The following RAB31 variants were observed in gnomAD, a reference collection of about 807,000 sequenced individuals.
RAB31 encodes ras-related protein Rab-31.
RAB31 carries 21 observed loss-of-function variants against 25.6 expected under a neutral mutation model. That is an observed-to-expected ratio of 0.82 (90% CI 0.58 to 1.18). The LOEUF is 1.18. Ranked by LOEUF, RAB31 falls within the 50% of genes most tolerant of loss-of-function variation. RAB31 has a pLI of 0.00. For synonymous variants in RAB31, 87 were observed against 84.0 expected, an observed-to-expected ratio of 1.04 and a Z score of -0.20; for missense variants, 196 against 250.1, an observed-to-expected ratio of 0.78 and a Z score of 1.46.
chr18:9,840,072 G>A (rs1271238950), intron 5 of RAB31, among the ~76,000 whole-genome samples: 1 of 152,180 alleles, frequency 6.6e-6, no homozygotes, highest in Non-Finnish European at 1.5e-5. Flanking sequence ...CAGACAGTCA[G>A]AGAAGAAACC....
chr18:9,804,035 G>A (rs2068527266), intron 3 of RAB31, among the ~76,000 whole-genome samples: 1 of 151,880 alleles, frequency 6.6e-6, no homozygotes, highest in Non-Finnish European at 1.5e-5. Flanking sequence ...CTGAGCCCGG[G>A]AGGTGGCCAT....
intron 1 of RAB31, chr18:9,757,869 CT>C (rs1445015533): frequency 2.0e-5 from 3 of 152,248 alleles, no homozygotes; most frequent in Non-Finnish European, 2.9e-5. Flanking sequence ...ATGTCGGCTT[CT>C]GATTAACTCC....
In RAB31 at chr18:9,735,147, A is replaced by G. The variant is rs917172414; in HGVS notation, c.39+26703A>G. On this transcript the variant is annotated intron_variant, in intron 1 of 6. Transcript: ENST00000578921. ...ATTCTCCTGTCTCAGCCTCTCAAGT[A>G]GCTGGGATTATAGGCGCCTGCCACC... Among the ~76,000 whole-genome samples, 4 of 151,884 alleles carry G rather than the reference A, an allele frequency of 2.6e-5. No homozygotes were observed. The East Asian group carries it at 7.7e-4, about 29-fold the overall frequency.
intron 5 of RAB31, chr18:9,844,832 AGTTTTGTTTT>A (rs10526414): frequency 0.17 from 25,911 of 149,120 alleles, 2,374 homozygotes; most frequent in Middle Eastern, 0.28. Context: ...CGTTCAGGTG[AGTTTTGTTTT>A]GTTTTGTTTT....
chr18:9,778,462 C>T (rs1226609611), intron 2 of RAB31, among the ~76,000 whole-genome samples: 1 of 152,038 alleles, frequency 6.6e-6, no homozygotes, highest in African/African-American at 2.4e-5. Flanking sequence ...CCACCTATAA[C>T]TTTTTGTTTT....
intron 2 of RAB31, among the ~76,000 whole-genome samples, chr18:9,776,165 T>G (rs932722424): frequency 1.4e-4 from 21 of 152,212 alleles, no homozygotes; most frequent in Non-Finnish European, 2.5e-4. Flanking sequence ...TGTTAAATTC[T>G]CCTGAGCTTG....
At chr18:9,786,385 A>G (rs993106607) in intron 2 of RAB31, among the ~76,000 whole-genome samples, 1 of 152,228 alleles carries the variant, frequency 6.6e-6, no homozygotes, top group African/African-American at 2.4e-5. Context: ...CACTATAAGT[A>G]AGTGTTTCCT....
At chr18:9,794,828 A>C (rs2068478796) in intron 3 of RAB31, among the ~76,000 whole-genome samples, 1 of 151,936 alleles carries the variant, frequency 6.6e-6, no homozygotes, top group South Asian at 2.1e-4. Flanking sequence ...AAAACAAAAA[A>C]CAAAAAAACA....
chr18:9,731,753 G>A (rs1349414110), intron 1 of RAB31, among the ~76,000 whole-genome samples: 4 of 151,898 alleles, frequency 2.6e-5, no homozygotes, highest in Admixed American at 6.6e-5. Context: ...GTGGCACCAC[G>A]CCCAGCTGAT....
At chr18:9,774,829 C>G (rs765619316) in intron 1 of RAB31, 4 of 515,872 alleles carry the variant, frequency 7.8e-6, no homozygotes, top group South Asian at 5.7e-5. Flanking sequence ...AACATAGAAA[C>G]TAGAATTAAT....
chr18:9,714,937 C>T (rs932456873), intron 1 of RAB31, among the ~76,000 whole-genome samples: 2 of 152,178 alleles, frequency 1.3e-5, no homozygotes, highest in Non-Finnish European at 2.9e-5. Context: ...GTAGACTTGA[C>T]GGCATGGGAG....
At chr18:9,725,357 C>G (rs775019341) in intron 1 of RAB31, among the ~76,000 whole-genome samples, 15 of 152,172 alleles carry the variant, frequency 9.9e-5, no homozygotes, top group Non-Finnish European at 1.9e-4. Context: ...AAGTGCTTTA[C>G]ATAAATTATG....
intron 4 of RAB31, among the ~76,000 whole-genome samples, chr18:9,814,439 C>T (rs80008378): frequency 0.054 from 8,142 of 152,120 alleles, 392 homozygotes; most frequent in African/African-American, 0.14. Context: ...CTTAAAATGC[C>T]AAGCATAACA....
intron 1 of RAB31, among the ~76,000 whole-genome samples, chr18:9,736,060 C>T (rs181522234): frequency 1.1e-4 from 17 of 152,192 alleles, no homozygotes; most frequent in Admixed American, 8.5e-4. Flanking sequence ...TGGTCTGGAA[C>T]TCCTGGGCTC....
chr18:9,839,447 G>A (rs1292814816), intron 5 of RAB31, among the ~76,000 whole-genome samples: 1 of 152,200 alleles, frequency 6.6e-6, no homozygotes, highest in Non-Finnish European at 1.5e-5. Context: ...CCCACCATGG[G>A]CACATGGATT....
At position 9,845,500 on chromosome 18, in the gene RAB31, G is replaced by A. The variant is rs1024405497; in HGVS notation, c.381-82G>A. 83 of 1,240,798 alleles carry A rather than the reference G, an allele frequency of 6.7e-5. 1 individual carries two copies. Among genetic ancestry groups the A allele is most frequent in the Non-Finnish European group, 7.7e-5 (71 of 923,306 alleles). 76.9% of individuals were successfully genotyped at this position (1,240,798 alleles called of 1,614,324 possible). A position where few individuals can be genotyped will look rare whatever the true frequency, so the allele number is the denominator to read the frequency against. Reference sequence around the variant, plus strand: ...ACAAGAAGATAAAGGAGCTGTTGCCGCACAAGCTGTCTGGTCTTTTGGGTG... The same window carrying A: ...ACAAGAAGATAAAGGAGCTGTTGCCACACAAGCTGTCTGGTCTTTTGGGTG... On this transcript the variant is annotated intron_variant, in intron 5 of 6. Transcript: ENST00000578921.
chr18:9,779,233 G>A (rs2068389763), intron 2 of RAB31, among the ~76,000 whole-genome samples: 2 of 151,584 alleles, frequency 1.3e-5, no homozygotes. Context: ...TAAAAATTAT[G>A]TCTTAGTTTT....
intron 5 of RAB31, among the ~76,000 whole-genome samples, chr18:9,822,015 A>G (rs1429146987): frequency 1.3e-5 from 2 of 152,234 alleles, no homozygotes; most frequent in Non-Finnish European, 1.5e-5. Context: ...CGATATTGAC[A>G]AAGAAGAATA....
chr18:9,733,800 C>T (rs372862069), intron 1 of RAB31, among the ~76,000 whole-genome samples: 13 of 152,124 alleles, frequency 8.5e-5, no homozygotes, highest in Admixed American at 3.3e-4. Context: ...AAGACTCCCT[C>T]AGAGACATTG....
Sources: gnomAD v4.1 joint callset for allele counts (sites outside exome capture counted in the v4.1 genomes callset) on GRCh38, gnomAD v4.1.1 for gene constraint, MANE v1.5 for transcripts, NCBI Gene and HGNC (gene_info 2026-07-23, HGNC 2026-07-21) for gene names.